Variants in TENM2 observed in about 807,000 individuals in gnomAD.
The protein encoded by TENM2 is teneurin-2.
A neutral mutation model predicts 245.2 loss-of-function variants in TENM2; 52 were observed. The ratio of observed to expected loss-of-function variants is 0.21; its 90% confidence interval spans 0.17 to 0.27. The LOEUF (loss-of-function observed/expected upper bound fraction) is 0.27. Among genes scored for constraint, TENM2 ranks in the 10% least tolerant of loss-of-function variants. The pLI is 1.00. For missense variants in TENM2, 3,046 were observed against 3,666.8 expected (o/e 0.83, Z 4.37); for synonymous variants, 1,363 against 1,438.9 (o/e 0.95, Z 1.19).
chr5:167,252,949 G>T, the TENM2 span, among the ~76,000 whole-genome samples: 2 of 152,130 alleles, frequency 1.3e-5, no homozygotes, highest in Non-Finnish European at 2.9e-5. Flanking sequence ...GTTAAATGAA[G>T]TATAATATAA....
At chr5:166,998,003 A>G in the TENM2 span, among the ~76,000 whole-genome samples, 1 of 152,158 alleles carries the variant, frequency 6.6e-6, no homozygotes, top group Admixed American at 6.5e-5. Flanking sequence ...TACAAAAATG[A>G]ACATCTATGT....
chr5:167,515,078 A>C (rs1391600131), intron 2 of TENM2, among the ~76,000 whole-genome samples: 2 of 152,182 alleles, frequency 1.3e-5, no homozygotes, highest in African/African-American at 4.8e-5. Context: ...TGAGCCATCA[A>C]GTTCATGAAG....
intron 12 of TENM2, among the ~76,000 whole-genome samples, chr5:168,153,930 C>T (rs62383435): frequency 0.13 from 19,280 of 151,996 alleles, 1,579 homozygotes; most frequent in South Asian, 0.22. Flanking sequence ...TTTAGCAACA[C>T]GGTGCTATTC....
At chr5:167,603,124 G>A (rs766941144) in intron 2 of TENM2, among the ~76,000 whole-genome samples, 5 of 152,164 alleles carry the variant, frequency 3.3e-5, no homozygotes, top group African/African-American at 4.8e-5. Flanking sequence ...GAAGGTTATA[G>A]AAACTGAGCC....
At chr5:167,075,301 T>C in the TENM2 span, among the ~76,000 whole-genome samples, 2 of 152,156 alleles carry the variant, frequency 1.3e-5, no homozygotes, top group African/African-American at 2.4e-5. Flanking sequence ...TTCCCCGTTA[T>C]ACCCAACAAC....
the TENM2 span, among the ~76,000 whole-genome samples, chr5:167,249,071 G>T: frequency 6.6e-6 from 1 of 152,208 alleles, no homozygotes; most frequent in Admixed American, 6.5e-5. Flanking sequence ...TTAATTCTTG[G>T]CAAGATGACA....
chr5:168,169,583 G>A (rs1227514239), intron 13 of TENM2, among the ~76,000 whole-genome samples: 2 of 152,166 alleles, frequency 1.3e-5, no homozygotes, highest in East Asian at 1.9e-4. Context: ...GGTTTGACAC[G>A]ATTCAGGAAT....
At chr5:167,037,590 T>G in the TENM2 span, among the ~76,000 whole-genome samples, 203 of 152,324 alleles carry the variant, frequency 1.3e-3, 1 homozygote, top group African/African-American at 4.4e-3. Context: ...TCTCAGACCC[T>G]AATTCCTTCC....
At chr5:167,984,379 C>T (rs1783072465) in intron 4 of TENM2, among the ~76,000 whole-genome samples, 1 of 152,136 alleles carries the variant, frequency 6.6e-6, no homozygotes, top group African/African-American at 2.4e-5. Context: ...TATACTTGAC[C>T]CAGTGCAGTG....
At chr5:167,106,539 A>T in the TENM2 span, among the ~76,000 whole-genome samples, 4 of 152,324 alleles carry the variant, frequency 2.6e-5, no homozygotes, top group East Asian at 7.7e-4. Flanking sequence ...TAGACTAAGG[A>T]ATTTTGATTT....
At chr5:167,425,943 T>G (rs914248025) in intron 2 of TENM2, among the ~76,000 whole-genome samples, 12 of 152,200 alleles carry the variant, frequency 7.9e-5, no homozygotes, top group African/African-American at 2.4e-4. Flanking sequence ...GTGTGATTTA[T>G]TTTTAAATTA....
At chr5:168,184,987 C>T (rs575146657) in intron 13 of TENM2, 1 of 152,338 alleles carries the variant, frequency 6.6e-6, no homozygotes, top group South Asian at 2.1e-4. Flanking sequence ...CCTCTGCAGC[C>T]TACAATGCCA....
At chr5:167,335,201 C>T (rs1757685252) in intron 1 of TENM2, among the ~76,000 whole-genome samples, 1 of 152,108 alleles carries the variant, frequency 6.6e-6, no homozygotes, top group Non-Finnish European at 1.5e-5. Flanking sequence ...GCAGGCACTT[C>T]ACATGGGGAA....
the TENM2 span, among the ~76,000 whole-genome samples, chr5:167,148,415 T>G: frequency 2.0e-5 from 3 of 152,236 alleles, no homozygotes; most frequent in Admixed American, 1.3e-4. Context: ...TTTGGTGACT[T>G]CATGATTTCT....
intron 2 of TENM2, among the ~76,000 whole-genome samples, chr5:167,548,085 G>C (rs1772683401): frequency 6.6e-6 from 1 of 152,178 alleles, no homozygotes; most frequent in Admixed American, 6.5e-5. Flanking sequence ...TGAGAGGTTT[G>C]AGAGAATAGA....
intron 5 of TENM2, among the ~76,000 whole-genome samples, chr5:168,005,996 T>C (rs1253528326): frequency 1.3e-5 from 2 of 152,182 alleles, no homozygotes; most frequent in Admixed American, 6.5e-5. Context: ...GAATTATAGT[T>C]TCCATCGGCT....
chr5:167,639,443 C>T (rs540905771), intron 2 of TENM2, among the ~76,000 whole-genome samples: 1 of 152,166 alleles, frequency 6.6e-6, no homozygotes, highest in African/African-American at 2.4e-5. Context: ...TCATGGCTTT[C>T]AAATACCATT....
chr5:167,366,666 T>C lies in TENM2; in HGVS notation c.227-8532T>C, dbSNP rs568156491. On this transcript the variant is annotated intron_variant, in intron 1 of 28. Coordinates refer to ENST00000518659, the Ensembl canonical transcript of TENM2. The stretch of plus-strand genomic sequence containing the variant: ...TGACTGTTTTGTAGGGCTGCTTTTT[T>C]AATTAAAAGGGGAAACTATATAAAA... Among the ~76,000 whole-genome samples the C allele has an allele frequency of 3.9e-5, 6 of 152,294 alleles. No individual in the cohort carries two copies. The East Asian group carries it at 1.2e-3, about 29-fold the overall frequency.
the TENM2 span, among the ~76,000 whole-genome samples, chr5:167,177,886 C>T: frequency 1.3e-5 from 2 of 152,162 alleles, no homozygotes; most frequent in Admixed American, 1.3e-4. Flanking sequence ...AGACGAACTG[C>T]AGCAGGTCCA....
Sources: gnomAD v4.1 joint callset for allele counts (sites outside exome capture counted in the v4.1 genomes callset) on GRCh38, gnomAD v4.1.1 for gene constraint, MANE v1.5 for transcripts, NCBI Gene and HGNC (gene_info 2026-07-23, HGNC 2026-07-21) for gene names.